TAF8: variants seen among roughly 807,000 people sequenced by gnomAD.
TAF8 encodes TATA-box binding protein associated factor 8.
In TAF8, 47 loss-of-function variants were observed where a neutral mutation model predicts 36.5. The observed-to-expected ratio is 1.29, with a 90% CI of 1.02 to 1.64. The LOEUF is 1.64. Among genes scored for constraint, TAF8 ranks in the 40% most tolerant of loss-of-function variants. TAF8 has a pLI of 0.00. For missense variants in TAF8, 420 were observed against 407.6 expected (o/e 1.03, Z -0.26); for synonymous variants, 175 against 159.5 (o/e 1.10, Z -0.73).
At chr6:42,051,223 G>A in intron 1 of TAF8, 134 bp from the exon 2 acceptor site, 2 of 1,308,878 alleles carry the variant, frequency 1.5e-6, no homozygotes, top group Non-Finnish European at 2.0e-6. Flanking sequence ...GCCAAGATCT[G>A]TAAATCTAAA....
chr6:42,064,111 T>C (rs1384371006), intron 5 of TAF8, among the ~76,000 whole-genome samples: 1 of 152,134 alleles, frequency 6.6e-6, no homozygotes, highest in Non-Finnish European at 1.5e-5. Flanking sequence ...TCCAAAGAAT[T>C]TGGTTGAAAA....
Position 42,079,343 on chromosome 6 carries a change from T to C in TAF8, c.*1798T>C, listed in dbSNP as rs1399162026. 1.0e-6 allele frequency: 1 copy of C among 985,346 alleles called. No individual in the cohort carries two copies. Among genetic ancestry groups the C allele is most frequent in the Non-Finnish European group, 1.2e-6 (1 of 829,944 alleles). 61.0% of individuals were successfully genotyped at this position (985,346 alleles called of 1,614,324 possible). Reference sequence around the variant, plus strand: ...GTATCCTGTGGGGAGAACAACTTCATTCTTAACATACCCTACAAACCAGAA... The same window carrying C: ...GTATCCTGTGGGGAGAACAACTTCACTCTTAACATACCCTACAAACCAGAA... On this transcript the variant is annotated 3_prime_UTR_variant, in exon 9 of 9. Coordinates refer to ENST00000372977, the MANE Select transcript of TAF8 (RefSeq NM_138572.3).
intron 7 of TAF8, among the ~76,000 whole-genome samples, chr6:42,070,420 A>G (rs116451325): frequency 7.8e-4 from 119 of 152,270 alleles, no homozygotes; most frequent in African/African-American, 2.8e-3. Context: ...TGAACCTGGG[A>G]GATGGAGCTT....
downstream of TAF8, chr6:42,086,823 A>G: frequency 7.1e-7 from 1 of 1,408,960 alleles, no homozygotes; most frequent in Non-Finnish European, 9.8e-7. Flanking sequence ...AGAAAGACAC[A>G]CACGGAAGCA....
downstream of TAF8, among the ~76,000 whole-genome samples, chr6:42,083,537 T>C (rs1765978240): frequency 6.6e-6 from 1 of 152,242 alleles, no homozygotes; most frequent in African/African-American, 2.4e-5. Flanking sequence ...CTCTGATAGA[T>C]AGAACACTGT....
intron 5 of TAF8, among the ~76,000 whole-genome samples, chr6:42,066,052 C>G (rs1443118648): frequency 1.3e-5 from 2 of 152,174 alleles, no homozygotes; most frequent in African/African-American, 4.8e-5. Flanking sequence ...TGGTGCCCAC[C>G]ACCACACCCA....
downstream of TAF8, chr6:42,083,401 T>A (rs1765975685): frequency 6.6e-6 from 1 of 152,194 alleles, no homozygotes; most frequent in Non-Finnish European, 1.5e-5. Context: ...CCTGTGGCGT[T>A]TTGTTATGGG....
At chr6:42,072,880 G>T (rs146054389) in intron 7 of TAF8, among the ~76,000 whole-genome samples, 1,798 of 151,984 alleles carry the variant, frequency 0.012, 41 homozygotes, top group African/African-American at 0.041. Flanking sequence ...CCGCCACCAC[G>T]CCCGGCTAAT....
intron 7 of TAF8, among the ~76,000 whole-genome samples, chr6:42,075,397 G>A (rs1765710126): frequency 6.6e-6 from 1 of 152,204 alleles, no homozygotes. Flanking sequence ...CTGGGCCAAT[G>A]GAACTGTGTC....
At chr6:42,068,794 C>G (rs995812727) in intron 7 of TAF8, among the ~76,000 whole-genome samples, 187 bp downstream of exon 7, 2 of 152,118 alleles carry the variant, frequency 1.3e-5, no homozygotes, top group African/African-American at 4.8e-5. Flanking sequence ...ACATCCGTGT[C>G]CTGGGGATTC....
intron 3 of TAF8, 146 bp downstream of exon 3, chr6:42,055,775 C>T (rs932369589): frequency 2.6e-6 from 2 of 773,240 alleles, no homozygotes; most frequent in Non-Finnish European, 4.4e-6. Flanking sequence ...AGAGATTCCT[C>T]TGAACACATC....
Position 42,077,485 on chromosome 6 carries a change from G to A in TAF8, c.921-48G>A, listed in dbSNP as rs1259556335. 2.5e-6 allele frequency: 4 copies of A among 1,607,812 alleles called. No homozygotes were observed. The South Asian group carries it at 4.5e-5, about 18-fold the overall frequency. The stretch of plus-strand genomic sequence containing the variant: ...GGAGCAGTTTTCCCCTAGAAGGAGA[G>A]CAGACAGGGCCCACACCAGGAGGCT... On this transcript the variant is annotated intron_variant, in intron 8 of 8. Coordinates refer to ENST00000372977, the MANE Select transcript of TAF8 (RefSeq NM_138572.3).
intron 1 of TAF8, chr6:42,051,144 C>A: frequency 1.6e-6 from 2 of 1,275,066 alleles, no homozygotes; most frequent in Non-Finnish European, 2.0e-6. Context: ...TGGGACTGTA[C>A]GTTTTAGGTA....
At chr6:42,084,959 GCCTCTCTCC>G (rs1766004598), downstream of TAF8, among the ~76,000 whole-genome samples, 3 of 152,134 alleles carry the variant, frequency 2.0e-5, no homozygotes, top group African/African-American at 7.2e-5. Context: ...GGGGCGTATT[GCCTCTCTCC>G]AGACTAAAGG....
chr6:42,066,780 A>G (rs1582232469), intron 6 of TAF8, among the ~76,000 whole-genome samples: 1 of 152,192 alleles, frequency 6.6e-6, no homozygotes. Flanking sequence ...CCAGTTGCCC[A>G]TCGTGATGTT....
At position 42,080,953 on chromosome 6, in the gene TAF8, T is replaced by C. The variant is rs1029729600; in HGVS notation, c.*3408T>C. On this transcript the variant is annotated 3_prime_UTR_variant, in exon 9 of 9. Coordinates refer to ENST00000372977, the MANE Select transcript of TAF8 (RefSeq NM_138572.3). ...ATTTGTGTTCAAAAGTTAACAGCAA[T>C]GTGGACAAATAAGTCAGGCTTAGCC... The C allele has an allele frequency of 4.1e-6, 4 of 985,244 alleles. No homozygotes were observed. Among genetic ancestry groups the C allele is most frequent in the East Asian group, 1.1e-4 (1 of 8,832 alleles). 61.0% of individuals were successfully genotyped at this position (985,244 alleles called of 1,614,324 possible).
chr6:42,071,330 T>C, intron 7 of TAF8: 1 of 123,586 alleles, frequency 8.1e-6, no homozygotes, highest in South Asian at 6.9e-5. Flanking sequence ...TTTTTTTTTT[T>C]TTTTTTTTTT....
downstream of TAF8, among the ~76,000 whole-genome samples, chr6:42,085,143 C>T (rs1766007346): frequency 6.6e-6 from 1 of 152,174 alleles, no homozygotes; most frequent in African/African-American, 2.4e-5. Flanking sequence ...TGGTAGCATA[C>T]TGCATAAGCT....
At chr6:42,054,855 C>G (rs1411286546) in intron 2 of TAF8, among the ~76,000 whole-genome samples, 1 of 152,084 alleles carries the variant, frequency 6.6e-6, no homozygotes, top group East Asian at 1.9e-4. Context: ...ATCCACCTGC[C>G]TCAGCCTCCC....
Sources: gnomAD v4.1 joint callset for allele counts (sites outside exome capture counted in the v4.1 genomes callset) on GRCh38, gnomAD v4.1.1 for gene constraint, MANE v1.5 for transcripts, NCBI Gene and HGNC (gene_info 2026-07-23, HGNC 2026-07-21) for gene names.